Variants in CNTN2 observed in about 807,000 individuals in gnomAD.
The protein encoded by CNTN2 is contactin-2.
Under a neutral mutation model 117.5 loss-of-function variants are expected in CNTN2, and 53 were observed. The observed-to-expected ratio is 0.45, with a 90% CI of 0.36 to 0.57. The LOEUF (loss-of-function observed/expected upper bound fraction) is 0.57, where lower values mean the gene tolerates loss of function less well. CNTN2 is among the 20% of genes least tolerant of loss of function. The pLI is 0.00. For synonymous variants in CNTN2, 530 were observed against 561.7 expected (o/e 0.94, Z 0.80); for missense variants, 1,106 against 1,404.3 (o/e 0.79, Z 3.39).
At chr1:205,050,928 C>G (rs1367564274) in intron 1 of CNTN2, among the ~76,000 whole-genome samples, 1 of 152,126 alleles carries the variant, frequency 6.6e-6, no homozygotes, top group East Asian at 1.9e-4. Flanking sequence ...CTTCTGAGTA[C>G]GTTGAAGGTG....
chr1:205,062,321 A>G (rs7545698), intron 9 of CNTN2, 119 bp from the exon 10 acceptor site: 1,356,724 of 1,356,726 alleles, frequency 1, 678,361 homozygotes, highest in Middle Eastern at 1. Context: ...CTGGACATAT[A>G]AGCCATATCC....
At position 205,073,394 on chromosome 1, in the gene CNTN2, G is replaced by C; in HGVS notation, c.3013+158G>C. The C allele has an allele frequency of 1.1e-6, 1 of 919,698 alleles. No homozygotes were observed. Among genetic ancestry groups the C allele is most frequent in the Non-Finnish European group, 1.6e-6 (1 of 621,242 alleles). 57.0% of individuals were successfully genotyped at this position (919,698 alleles called of 1,614,324 possible). ...TGCAAAGTAGTCTTAGAACTGCCTC[G>C]CCGCCACCTTTCTACCCAGCCCCCA... On this transcript the variant is annotated intron_variant, in intron 22 of 22. Coordinates refer to ENST00000331830, the MANE Select transcript of CNTN2 (RefSeq NM_005076.5). This position sits in a 1 kb window ranked among gnomAD's most constrained non-coding sequence, Gnocchi z 6.3.
Position 205,044,495 on chromosome 1 carries a change from G to A in CNTN2, c.-87+1101G>A, listed in dbSNP as rs575329111. Among the ~76,000 whole-genome samples the A allele has an allele frequency of 1.9e-3, 295 of 152,106 alleles. 1 individual carries two copies. The highest frequency in any genetic ancestry group is 3.7e-3 in the Non-Finnish European group (249 of 67,974). On this transcript the variant is annotated intron_variant, in intron 1 of 22. Transcript: ENST00000331830. ...TCCAGTGAGGCCAGGAGGGAGTGGG[G>A]TTGTGCATGCCATGGCCCCAGCCCT... is the stretch of plus-strand genomic sequence containing the variant.
At chr1:205,050,587 C>A (rs1403756621) in intron 1 of CNTN2, among the ~76,000 whole-genome samples, 1 of 152,012 alleles carries the variant, frequency 6.6e-6, no homozygotes, top group Non-Finnish European at 1.5e-5. Flanking sequence ...TATTTGGTGA[C>A]TTTGCCCAAC....
chr1:205,070,684 T>A (rs1654548679), intron 19 of CNTN2, 146 bp downstream of exon 19: 1 of 594,466 alleles, frequency 1.7e-6, no homozygotes, highest in East Asian at 3.0e-5. Context: ...TGTAGCACTG[T>A]GAATGCAAAT....
At position 205,077,358 on chromosome 1, in the gene CNTN2, AC is replaced by A. The variant is rs1654911099; in HGVS notation, c.*3594del. The A allele has an allele frequency of 1.3e-5, 2 of 152,256 alleles. No homozygotes were observed. The allele number at this position is 152,256 out of a possible 1,614,324, so 9.4% of individuals were successfully genotyped here. ...GACTCCCTTAATCTCTTCCCCAGCTACAGAGGAATCTTTTCTCTGCCTGGTC... is the reference window on the plus strand; with the variant it reads ...GACTCCCTTAATCTCTTCCCCAGCTAAGAGGAATCTTTTCTCTGCCTGGTC... On this transcript the variant is annotated 3_prime_UTR_variant, in exon 23 of 23. Coordinates refer to ENST00000331830, the MANE Select transcript of CNTN2 (RefSeq NM_005076.5).
At chr1:205,054,886 C>A (rs1315608443) in intron 2 of CNTN2, among the ~76,000 whole-genome samples, 1 of 152,116 alleles carries the variant, frequency 6.6e-6, no homozygotes, top group Non-Finnish European at 1.5e-5. Flanking sequence ...GTTTCTGACG[C>A]CTGTGTTTGG....
chr1:205,070,129 G>A, intron 18 of CNTN2, 68 bp downstream of exon 18: 2 of 1,464,034 alleles, frequency 1.4e-6, no homozygotes, highest in Non-Finnish European at 1.9e-6. Context: ...GTGGGGTGGG[G>A]GAACGCTACT....
At position 205,061,636 on chromosome 1, in the gene CNTN2, G is replaced by C. The variant is rs1274346680; in HGVS notation, c.973+216G>C. ...CAGGGGTGCAGAAAGCACACAGGAG[G>C]CTCCAGAATGATTTAAGTTGCAAAA... On this transcript the variant is annotated intron_variant, in intron 8 of 22. Coordinates refer to ENST00000331830, the MANE Select transcript of CNTN2 (RefSeq NM_005076.5). This position sits in a 1 kb window ranked among gnomAD's most constrained non-coding sequence, Gnocchi z 4.8. 25 of 754,444 alleles carry C rather than the reference G, an allele frequency of 3.3e-5. No individual in the cohort carries two copies. Among genetic ancestry groups the C allele is most frequent in the Non-Finnish European group, 5.1e-5 (25 of 489,480 alleles). 46.7% of individuals were successfully genotyped at this position (754,444 alleles called of 1,614,324 possible).
intron 1 of CNTN2, among the ~76,000 whole-genome samples, chr1:205,047,722 T>C (rs1451181030): frequency 6.6e-6 from 1 of 152,144 alleles, no homozygotes; most frequent in Non-Finnish European, 1.5e-5. Context: ...CGCCTGGACG[T>C]TGTGACTGTA....
Position 205,070,443 on chromosome 1 carries a change from A to G in CNTN2, c.2449A>G (p.Thr817Ala), listed in dbSNP as rs1326524363. 6.2e-7 allele frequency: 1 copy of G among 1,613,606 alleles called. No homozygotes were observed. Among genetic ancestry groups the G allele is most frequent in the African/African-American group, 1.3e-5 (1 of 74,910 alleles). The change falls in exon 19 of 23, where the codon ACC (threonine) becomes GCC (alanine). Residue 817 changes from threonine to alanine, a missense_variant. Thr to Ala is a moderately conservative substitution (Grantham distance 58, BLOSUM62 0). Coordinates refer to ENST00000331830, the MANE Select transcript of CNTN2 (RefSeq NM_005076.5). Reference protein sequence around the residue: ...SAEEEPRVAPTKVWAKGVSSS... With the variant: ...SAEEEPRVAPAKVWAKGVSSS... ...GTCCCCAGAGCCCAGGGTGGCCCCT[A>G]CCAAGGTGTGGGCCAAAGGGGTCTC...
intron 2 of CNTN2, among the ~76,000 whole-genome samples, chr1:205,054,430 T>C (rs1425719083): frequency 2.6e-5 from 4 of 152,196 alleles, no homozygotes; most frequent in Non-Finnish European, 5.9e-5. Flanking sequence ...CCTCGCTACC[T>C]GTCCAAGGGT....
Position 205,064,258 on chromosome 1 carries a change from G to T in CNTN2, c.1241-64G>T, listed in dbSNP as rs540079177. On this transcript the variant is annotated intron_variant, in intron 10 of 22. Transcript: ENST00000331830. ...CTCATGGCGTGGCTTCAAAGGGCAC[G>T]CCAAGTAACGTCTTAATCAAGGGTG... The T allele has an allele frequency of 2.4e-4, 366 of 1,501,310 alleles. No homozygotes were observed. In the African/African-American group the frequency reaches 4.2e-3, roughly 17 times the overall value. The allele number at this position is 1,501,310 out of a possible 1,614,324, so 93.0% of individuals were successfully genotyped here. A position where few individuals can be genotyped will look rare whatever the true frequency, so the allele number is the denominator to read the frequency against.
rs1265516736 is a variant in CNTN2, at chr1:205,069,763, G to A, written c.2197-64G>A. 1.3e-5 allele frequency: 20 copies of A among 1,552,860 alleles called. No individual in the cohort carries two copies. In the Admixed American group the frequency reaches 3.2e-4, roughly 25 times the overall value. On this transcript the variant is annotated intron_variant, in intron 17 of 22. Coordinates refer to ENST00000331830, the MANE Select transcript of CNTN2 (RefSeq NM_005076.5). Reference sequence around the variant, plus strand: ...GCTACTCTTGGCAAAGGTTGGGTGGGGCCAGGGAACGGGCAGGGACACATG... The same window carrying A: ...GCTACTCTTGGCAAAGGTTGGGTGGAGCCAGGGAACGGGCAGGGACACATG...
At position 205,077,457 on chromosome 1, in the gene CNTN2, A is replaced by G. The variant is rs1654916466; in HGVS notation, c.*3692A>G. On this transcript the variant is annotated 3_prime_UTR_variant, in exon 23 of 23. Transcript: ENST00000331830. Reference sequence around the variant, plus strand: ...TCAAACCTGTGGCCACTGGCATGACAGTGGTGCTCTGTCTCCCTGGGTGAC... The same window carrying G: ...TCAAACCTGTGGCCACTGGCATGACGGTGGTGCTCTGTCTCCCTGGGTGAC... 6.6e-6 allele frequency: 1 copy of G among 152,256 alleles called. No homozygotes were observed. The highest frequency in any genetic ancestry group is 2.1e-4 in the South Asian group (1 of 4,838). 9.4% of individuals were successfully genotyped at this position (152,256 alleles called of 1,614,324 possible). A position where few individuals can be genotyped will look rare whatever the true frequency, so the allele number is the denominator to read the frequency against.
Position 205,072,552 on chromosome 1 carries a change from C to G in CNTN2, c.2801C>G (p.Pro934Arg). Residue 934 changes from proline (P) to arginine (R), a missense_variant, in exon 21 of 23, where the codon CCT becomes CGT. Coordinates refer to ENST00000331830, the MANE Select transcript of CNTN2 (RefSeq NM_005076.5). ...TCTAGTCTTAGCATTAAGTGGGACCCTGTGGTCCCTTTCCGAAATGAGTCT... is the reference window on the plus strand; with the variant it reads ...TCTAGTCTTAGCATTAAGTGGGACCGTGTGGTCCCTTTCCGAAATGAGTCT... ...SSSSLSIKWD[P>R]VVPFRNESAV... 2 of 1,614,088 alleles carry G rather than the reference C, an allele frequency of 1.2e-6. No homozygotes were observed. Among genetic ancestry groups the G allele is most frequent in the Non-Finnish European group, 1.7e-6 (2 of 1,179,972 alleles).
rs1389582368 is a variant in CNTN2 at position 205,065,569 on chromosome 1, T to C, written c.1696-220T>C. Among the ~76,000 whole-genome samples, 1 of 152,094 alleles carries C rather than the reference T, an allele frequency of 6.6e-6. No individual in the cohort carries two copies. The highest frequency in any genetic ancestry group is 1.5e-5 in the Non-Finnish European group (1 of 68,012). On this transcript the variant is annotated intron_variant, in intron 13 of 22. Transcript: ENST00000331830. The surrounding 1 kb of genome is among the most constrained non-coding windows in gnomAD (Gnocchi z 4.1). ...ATGATATTATTAATGTGGACAGTCA[T>C]TGACTGTCTCCTGAAACAAACTTTG...
At chr1:205,046,364 G>A (rs1167168357) in intron 1 of CNTN2, among the ~76,000 whole-genome samples, 1 of 152,138 alleles carries the variant, frequency 6.6e-6, no homozygotes, top group Non-Finnish European at 1.5e-5. Flanking sequence ...GTCAACCCCA[G>A]CCCCTCACAC....
At chr1:205,066,796 G>A (rs984777796) in intron 15 of CNTN2, among the ~76,000 whole-genome samples, 197 bp downstream of exon 15, 9 of 152,146 alleles carry the variant, frequency 5.9e-5, no homozygotes, top group South Asian at 2.1e-4. Context: ...TAGGAGAGTC[G>A]GGAAAGAGTT....
Sources: gnomAD v4.1 joint callset for allele counts (sites outside exome capture counted in the v4.1 genomes callset) on GRCh38, gnomAD v4.1.1 for gene constraint, Gnocchi (gnomAD v3.1) non-coding constraint, MANE v1.5 for transcripts, NCBI Gene and HGNC (gene_info 2026-07-23, HGNC 2026-07-21) for gene names.